SYNPO2: variants seen among roughly 807,000 people sequenced by gnomAD.
The protein encoded by SYNPO2 is synaptopodin-2.
In SYNPO2, 56 loss-of-function variants were observed where a neutral mutation model predicts 85.0. The ratio of observed to expected loss-of-function variants is 0.66; its 90% confidence interval spans 0.53 to 0.82. The LOEUF is 0.82. SYNPO2 is among the 40% of genes least tolerant of loss of function. The probability of loss-of-function intolerance (pLI) is 0.00; values close to 1 mark genes in which losing one functional copy is unlikely to be tolerated. For missense variants in SYNPO2, 1,575 were observed against 1,534.2 expected (o/e 1.03, Z -0.44); for synonymous variants, 602 against 591.1 (o/e 1.02, Z -0.27).
In SYNPO2 at chr4:118,888,979, G is replaced by GC; in HGVS notation, c.-57dup. The GC allele has an allele frequency of 6.4e-7, 1 of 1,557,640 alleles. No homozygotes were observed. The highest frequency in any genetic ancestry group is 8.8e-7 in the Non-Finnish European group (1 of 1,130,790). On this transcript the variant is annotated 5_prime_UTR_variant, in exon 1 of 5. Coordinates refer to ENST00000307142, the MANE Select transcript of SYNPO2 (RefSeq NM_133477.3). ...CGAAGCTGAGTGCGCATCCTCTACC[G>GC]CACCCAAGCTTCGTCTGTCTCGTCA...
chr4:119,029,240 G>A (rs920425654), intron 3 of SYNPO2, among the ~76,000 whole-genome samples: 14 of 151,930 alleles, frequency 9.2e-5, no homozygotes, highest in African/African-American at 3.1e-4. Context: ...TCAGTGTTTT[G>A]AATTTATATT....
intron 1 of SYNPO2, among the ~76,000 whole-genome samples, chr4:118,892,164 C>T (rs558035548): frequency 2.6e-5 from 4 of 152,054 alleles, no homozygotes; most frequent in African/African-American, 9.6e-5. Context: ...ATACGCAAAC[C>T]CCAAATTTTA....
At chr4:118,990,370 C>T (rs1736370966) in intron 1 of SYNPO2, among the ~76,000 whole-genome samples, 1 of 152,196 alleles carries the variant, frequency 6.6e-6, no homozygotes, top group African/African-American at 2.4e-5. Context: ...CCAGGAAATA[C>T]ATCTTTGCTT....
chr4:118,884,042 G>C (rs1478145155), upstream of SYNPO2, among the ~76,000 whole-genome samples: 1 of 152,168 alleles, frequency 6.6e-6, no homozygotes, highest in Non-Finnish European at 1.5e-5. Flanking sequence ...GACCCAGATG[G>C]ATGCTACACA....
chr4:119,044,888 A>G (rs778287963), intron 4 of SYNPO2, among the ~76,000 whole-genome samples: 6 of 152,210 alleles, frequency 3.9e-5, no homozygotes, highest in Non-Finnish European at 8.8e-5. Context: ...ATGTTGTCAC[A>G]CACTGTATAG....
intron 1 of SYNPO2, among the ~76,000 whole-genome samples, chr4:118,879,986 C>T (rs1464704249): frequency 6.6e-6 from 1 of 152,130 alleles, no homozygotes; most frequent in African/African-American, 2.4e-5. Flanking sequence ...AGAATCCCTC[C>T]TTATTTCTCT....
At chr4:118,966,478 A>G (rs1735322408) in intron 1 of SYNPO2, among the ~76,000 whole-genome samples, 1 of 152,144 alleles carries the variant, frequency 6.6e-6, no homozygotes, top group South Asian at 2.1e-4. Context: ...ACCCCAAGGG[A>G]GGACTTCTTC....
At chr4:118,920,129 G>T (rs1052440799) in intron 1 of SYNPO2, among the ~76,000 whole-genome samples, 7 of 152,192 alleles carry the variant, frequency 4.6e-5, no homozygotes, top group Non-Finnish European at 1.0e-4. Flanking sequence ...AGGATAAGGT[G>T]GTTGAAGAGT....
intron 1 of SYNPO2, among the ~76,000 whole-genome samples, chr4:118,899,181 A>G (rs1451056052): frequency 6.6e-6 from 1 of 152,208 alleles, no homozygotes; most frequent in Non-Finnish European, 1.5e-5. Context: ...AATTAAAACA[A>G]TTTTGAGCAT....
At chr4:118,912,630 A>ATT (rs529272905) in intron 1 of SYNPO2, among the ~76,000 whole-genome samples, 1 of 152,134 alleles carries the variant, frequency 6.6e-6, no homozygotes, top group South Asian at 2.1e-4. Context: ...AATTCTAACC[A>ATT]TTTTTTCCCT....
chr4:118,984,952 T>C lies in SYNPO2; in HGVS notation c.106-38478T>C, dbSNP rs146963103. On this transcript the variant is annotated intron_variant, in intron 1 of 4. Transcript: ENST00000307142. ...ACTGGCATCTTTTTGTCATTTACTA[T>C]TGTTTGTCATTGACATTAAGAAGTA... Among the ~76,000 whole-genome samples, 7 of 152,304 alleles carry C rather than the reference T, an allele frequency of 4.6e-5. No individual in the cohort carries two copies. The East Asian group carries it at 1.4e-3, about 29-fold the overall frequency.
At chr4:119,032,308 T>G in intron 4 of SYNPO2, 1 of 1,339,302 alleles carries the variant, frequency 7.5e-7, no homozygotes, top group Non-Finnish European at 9.6e-7. Context: ...TACCGTTATA[T>G]TAAGTAAGCA....
At chr4:119,034,209 G>GA (rs1341754500) in intron 4 of SYNPO2, 3 of 985,386 alleles carry the variant, frequency 3.0e-6, no homozygotes, top group African/African-American at 1.7e-5. Flanking sequence ...GGTGCAGCAG[G>GA]AAAAAAGATC....
chr4:118,979,207 C>T (rs1735909513), intron 1 of SYNPO2, among the ~76,000 whole-genome samples: 2 of 152,124 alleles, frequency 1.3e-5, no homozygotes, highest in South Asian at 4.2e-4. Context: ...TACTATTTTC[C>T]CTTACCCTCC....
chr4:118,964,512 CAATT>C (rs1191190416), intron 1 of SYNPO2, among the ~76,000 whole-genome samples: 1 of 150,476 alleles, frequency 6.6e-6, no homozygotes, highest in Non-Finnish European at 1.5e-5. Context: ...AAAAAAAAAA[CAATT>C]AAAAACTGAG....
intron 1 of SYNPO2, among the ~76,000 whole-genome samples, chr4:118,934,126 A>G (rs1294062211): frequency 1.3e-5 from 2 of 152,106 alleles, no homozygotes; most frequent in Non-Finnish European, 2.9e-5. Flanking sequence ...CTTTCTGAGA[A>G]TGGGATACTA....
intron 4 of SYNPO2, among the ~76,000 whole-genome samples, chr4:119,050,807 C>T (rs1008883876): frequency 3.9e-5 from 6 of 152,196 alleles, no homozygotes; most frequent in Non-Finnish European, 7.3e-5. Flanking sequence ...TCTAAATGCA[C>T]ACAGACTGAA....
chr4:119,031,577 A>T lies in SYNPO2; in HGVS notation c.2802A>T (p.Pro934=), dbSNP rs779938094. The change falls in exon 4 of 5, where the codon CCA becomes CCT. Residue 934 remains proline (P), a synonymous_variant. Transcript: ENST00000307142. The part of the protein sequence containing the change: ...AYNPIHSPSY[P]LAALKSQPSA... ...ATCCTATCCACTCGCCGTCTTACCC[A>T]CTGGCTGCTCTCAAGTCTCAGCCAT... 1.5e-5 allele frequency: 25 copies of T among 1,613,982 alleles called. No individual in the cohort carries two copies. In the Admixed American group the frequency reaches 1.7e-4, roughly 11 times the overall value.
intron 1 of SYNPO2, among the ~76,000 whole-genome samples, chr4:118,916,932 G>A (rs1661574554): frequency 6.6e-6 from 1 of 151,658 alleles, no homozygotes; most frequent in Admixed American, 6.6e-5. Flanking sequence ...ACAGAGTCTT[G>A]CTCTGTTGTC....
Sources: gnomAD v4.1 joint callset for allele counts (sites outside exome capture counted in the v4.1 genomes callset) on GRCh38, gnomAD v4.1.1 for gene constraint, MANE v1.5 for transcripts, NCBI Gene and HGNC (gene_info 2026-07-23, HGNC 2026-07-21) for gene names.